PDE4D: variants seen among roughly 807,000 people sequenced by gnomAD.
PDE4D encodes the protein 3',5'-cyclic-AMP phosphodiesterase 4D.
Under a neutral mutation model 87.4 loss-of-function variants are expected in PDE4D, and 24 were observed. That is an observed-to-expected ratio of 0.27 (90% CI 0.20 to 0.39). PDE4D has a LOEUF of 0.39. Among genes scored for constraint, PDE4D ranks in the 10% least tolerant of loss-of-function variants. The pLI is 1.00. For synonymous variants in PDE4D, 384 were observed against 383.2 expected, an observed-to-expected ratio of 1.00 and a Z score of -0.02; for missense variants, 714 against 1,041.0, an observed-to-expected ratio of 0.69 and a Z score of 4.32.
chr5:59,224,122 C>CA (rs762239197), intron 1 of PDE4D, among the ~76,000 whole-genome samples: 4,268 of 21,902 alleles, frequency 0.19, 887 homozygotes, highest in African/African-American at 0.36. Flanking sequence ...CCTGTTTCTA[C>CA]AAAAAAAAAA....
chr5:60,416,210 C>T (rs1487525663), intron 1 of PDE4D, among the ~76,000 whole-genome samples: 1 of 152,132 alleles, frequency 6.6e-6, no homozygotes, highest in Non-Finnish European at 1.5e-5. Flanking sequence ...GACCAATCAG[C>T]TCTCTGTAAA....
At chr5:60,384,186 C>G (rs1762050378) in intron 1 of PDE4D, among the ~76,000 whole-genome samples, 1 of 152,112 alleles carries the variant, frequency 6.6e-6, no homozygotes, top group Non-Finnish European at 1.5e-5. Context: ...AAACCCTTAC[C>G]TAATTAGGTG....
At chr5:60,084,993 G>A (rs376829430) in intron 2 of PDE4D, among the ~76,000 whole-genome samples, 2 of 152,078 alleles carry the variant, frequency 1.3e-5, no homozygotes, top group Admixed American at 1.3e-4. Flanking sequence ...TAGGTGTTAC[G>A]AGATATTTTG....
At chr5:59,520,908 C>T (rs567624038) in intron 1 of PDE4D, among the ~76,000 whole-genome samples, 1 of 149,726 alleles carries the variant, frequency 6.7e-6, no homozygotes, top group South Asian at 2.1e-4. Context: ...CACATATATA[C>T]ACGTTGTGTG....
chr5:60,341,186 C>T (rs1758287471), intron 1 of PDE4D, among the ~76,000 whole-genome samples: 1 of 152,032 alleles, frequency 6.6e-6, no homozygotes, highest in Non-Finnish European at 1.5e-5. Context: ...GTAGAAACTA[C>T]AAAACTCTAG....
At chr5:59,414,440 G>T (rs1356971372) in intron 1 of PDE4D, among the ~76,000 whole-genome samples, 2 of 152,188 alleles carry the variant, frequency 1.3e-5, no homozygotes, top group African/African-American at 4.8e-5. Flanking sequence ...GGCAGATCAA[G>T]AAGAATGCAG....
At chr5:59,327,965 A>T (rs12188029) in intron 1 of PDE4D, among the ~76,000 whole-genome samples, 9,069 of 152,266 alleles carry the variant, frequency 0.06, 364 homozygotes, top group Non-Finnish European at 0.088. Context: ...CATTTACAAG[A>T]TACAAATGTT....
In PDE4D at chr5:60,155,829, G is replaced by A. The variant is rs114063571; in HGVS notation, c.42+29728C>T. 3.5e-3 allele frequency among the ~76,000 whole-genome samples: 536 copies of A among 152,158 alleles called. 1 individual carries two copies. The highest frequency in any genetic ancestry group is 0.012 in the African/African-American group (502 of 41,494). On this transcript the variant is annotated intron_variant, in intron 2 of 16. Transcript: ENST00000502484. ...AGTCCAAGAATTAAGGTGTGTTCTTGAACCTATTACAATAGTTCACATAGC... is the reference window on the plus strand; with the variant it reads ...AGTCCAAGAATTAAGGTGTGTTCTTAAACCTATTACAATAGTTCACATAGC...
intron 3 of PDE4D, among the ~76,000 whole-genome samples, chr5:59,187,305 T>C (rs998564321): frequency 2.0e-5 from 3 of 152,134 alleles, no homozygotes; most frequent in African/African-American, 7.2e-5. Flanking sequence ...TAGTTTAAAA[T>C]TTATGTATTT....
intron 5 of PDE4D, among the ~76,000 whole-genome samples, chr5:59,172,084 A>T (rs543542252): frequency 0.021 from 35 of 1,664 alleles, 2 homozygotes; most frequent in African/African-American, 0.15. Flanking sequence ...TATATATTAT[A>T]TATATAATAA....
chr5:60,392,853 A>T (rs567846187), intron 1 of PDE4D, among the ~76,000 whole-genome samples: 8 of 152,338 alleles, frequency 5.3e-5, no homozygotes, highest in African/African-American at 1.9e-4. Flanking sequence ...CACTCTCATG[A>T]TCAAACATTT....
chr5:59,107,571 G>A (rs547883049), intron 5 of PDE4D, among the ~76,000 whole-genome samples: 1 of 152,294 alleles, frequency 6.6e-6, no homozygotes, highest in Admixed American at 6.5e-5. Context: ...AGTTAGCTCT[G>A]AGCTGGATTC....
chr5:59,836,531 T>A (rs185909064), intron 1 of PDE4D, among the ~76,000 whole-genome samples: 3 of 152,104 alleles, frequency 2.0e-5, no homozygotes, highest in Non-Finnish European at 2.9e-5. Context: ...AGGGATTGGA[T>A]TGAAGGCTGA....
chr5:59,470,330 A>C (rs554958631), intron 1 of PDE4D, among the ~76,000 whole-genome samples: 2 of 152,194 alleles, frequency 1.3e-5, no homozygotes, highest in African/African-American at 2.4e-5. Context: ...TATTATTTGA[A>C]TTGGTCTGTG....
At chr5:59,201,304 C>T (rs1401132634) in intron 2 of PDE4D, among the ~76,000 whole-genome samples, 3 of 152,024 alleles carry the variant, frequency 2.0e-5, no homozygotes, top group Admixed American at 2.0e-4. Flanking sequence ...TTTTATATTG[C>T]TACCTGCTTA....
intron 1 of PDE4D, among the ~76,000 whole-genome samples, chr5:59,382,545 C>A (rs1267962756): frequency 6.6e-6 from 1 of 152,188 alleles, no homozygotes; most frequent in East Asian, 1.9e-4. Flanking sequence ...GTAAATAATG[C>A]TTATTGGTTC....
chr5:59,685,982 G>T (rs1749796972), intron 1 of PDE4D, among the ~76,000 whole-genome samples: 2 of 152,046 alleles, frequency 1.3e-5, no homozygotes, highest in Admixed American at 1.3e-4. Flanking sequence ...GACATTCATC[G>T]CAGCTTAGAC....
intron 1 of PDE4D, among the ~76,000 whole-genome samples, chr5:60,495,472 C>G (rs189477856): frequency 1.3e-5 from 2 of 152,160 alleles, no homozygotes; most frequent in African/African-American, 4.8e-5. Flanking sequence ...CACCACCATG[C>G]GTCAATGTTT....
At chr5:59,479,822 G>A (rs1334049725) in intron 1 of PDE4D, among the ~76,000 whole-genome samples, 8 of 151,928 alleles carry the variant, frequency 5.3e-5, no homozygotes, top group African/African-American at 1.9e-4. Flanking sequence ...GATACTCTTC[G>A]ACAATGTCAT....
Sources: allele counts gnomAD v4.1 joint callset (sites outside exome capture counted in the v4.1 genomes callset), GRCh38; gene constraint gnomAD v4.1.1; transcripts MANE v1.5; gene names NCBI Gene and HGNC (gene_info 2026-07-23, HGNC 2026-07-21).